The following SEMA6D variants were observed in gnomAD, a reference collection of about 807,000 sequenced individuals.
SEMA6D encodes the protein semaphorin-6D.
SEMA6D carries 35 observed loss-of-function variants against 106.6 expected under a neutral mutation model. The ratio of observed to expected loss-of-function variants is 0.33; its 90% CI spans 0.25 to 0.44. The LOEUF (loss-of-function observed/expected upper bound fraction) is 0.44, where lower values mean the gene tolerates loss of function less well. SEMA6D is among the 20% of genes least tolerant of loss of function. The probability of loss-of-function intolerance (pLI) is 1.00; values close to 1 mark genes in which losing one functional copy is unlikely to be tolerated. For missense variants in SEMA6D, 1,185 were observed against 1,345.9 expected (o/e 0.88, Z 1.87); for synonymous variants, 499 against 487.7 (o/e 1.02, Z -0.31).
chr15:47,656,833 G>T (rs1008034141), intron 4 of SEMA6D, among the ~76,000 whole-genome samples: 1 of 152,310 alleles, frequency 6.6e-6, no homozygotes, highest in African/African-American at 2.4e-5. Flanking sequence ...GCACAAGAGA[G>T]GATGGTGATC....
At chr15:47,316,116 A>G (rs1276390445) in intron 1 of SEMA6D, among the ~76,000 whole-genome samples, 2 of 1,302 alleles carry the variant, frequency 1.5e-3, no homozygotes, top group East Asian at 0.042. Context: ...TTTTTGAGAC[A>G]GAATCTTGTT....
intron 3 of SEMA6D, among the ~76,000 whole-genome samples, chr15:47,597,028 C>T (rs1281882033): frequency 6.6e-6 from 1 of 151,884 alleles, no homozygotes; most frequent in Non-Finnish European, 1.5e-5. Flanking sequence ...CAAGCAATAC[C>T]TCTGATAAGG....
chr15:47,318,529 G>C (rs1390728220), intron 1 of SEMA6D, among the ~76,000 whole-genome samples: 2 of 147,826 alleles, frequency 1.4e-5, no homozygotes, highest in East Asian at 2.0e-4. Flanking sequence ...TTGGTTTTTT[G>C]TTCTTGCGAT....
chr15:47,558,508 A>T (rs534810226), intron 3 of SEMA6D, among the ~76,000 whole-genome samples: 1 of 152,202 alleles, frequency 6.6e-6, no homozygotes, highest in South Asian at 2.1e-4. Context: ...TATTTTATCC[A>T]GAATTTGAAA....
intron 2 of SEMA6D, among the ~76,000 whole-genome samples, chr15:47,453,017 TA>T (rs1314739176): frequency 6.6e-6 from 1 of 151,948 alleles, no homozygotes; most frequent in Non-Finnish European, 1.5e-5. Context: ...GTAGTTCATT[TA>T]AAAAGAAAAA....
At chr15:47,512,277 T>C (rs1191000371) in intron 3 of SEMA6D, among the ~76,000 whole-genome samples, 4 of 152,218 alleles carry the variant, frequency 2.6e-5, no homozygotes, top group Non-Finnish European at 1.5e-5. Flanking sequence ...CCTCTTCAAT[T>C]GAGCAGTTGT....
intron 1 of SEMA6D, among the ~76,000 whole-genome samples, chr15:47,226,643 G>A (rs1240648085): frequency 6.6e-6 from 1 of 152,090 alleles, no homozygotes; most frequent in Non-Finnish European, 1.5e-5. Context: ...GACACTGATT[G>A]GAAGGTACCA....
At chr15:47,341,367 G>T (rs2144489812) in intron 1 of SEMA6D, among the ~76,000 whole-genome samples, 1 of 152,284 alleles carries the variant, frequency 6.6e-6, no homozygotes, top group Admixed American at 6.5e-5. Context: ...TCCAGCCTGG[G>T]TGACAGAGCA....
chr15:47,768,431 TTTG>T, intron 17 of SEMA6D, 147 bp from the exon 18 acceptor site: 1 of 570,110 alleles, frequency 1.8e-6, no homozygotes, highest in Middle Eastern at 4.4e-4. Context: ...AAGGAAGGAA[TTTG>T]ATGTAGCTTC....
In SEMA6D at chr15:47,465,179, G is replaced by A. The variant is rs190684536; in HGVS notation, c.-158-5295G>A. Among the ~76,000 whole-genome samples, 300 of 152,284 alleles carry A rather than the reference G, an allele frequency of 2.0e-3. 1 individual carries two copies. Among genetic ancestry groups the A allele is most frequent in the Non-Finnish European group, 3.5e-3 (235 of 68,006 alleles). ...ACTCACAGTGCTTTGAACACAGCAG[G>A]TAGTCAGTAGATGCATTTTGACCAA... On this transcript the variant is annotated intron_variant, in intron 2 of 19. Coordinates refer to the SEMA6D transcript ENST00000558014.
intron 3 of SEMA6D, among the ~76,000 whole-genome samples, chr15:47,591,393 C>T (rs2076436558): frequency 6.6e-6 from 1 of 152,076 alleles, no homozygotes; most frequent in Non-Finnish European, 1.5e-5. Flanking sequence ...GGCTGTATGT[C>T]CAGAGGCTTC....
At chr15:47,216,548 A>C (rs1202064239) in intron 1 of SEMA6D, among the ~76,000 whole-genome samples, 2 of 152,178 alleles carry the variant, frequency 1.3e-5, no homozygotes, top group Non-Finnish European at 2.9e-5. Context: ...GGTGAAATTG[A>C]AGTCAAAGAA....
At chr15:47,222,685 G>A (rs967433388) in intron 1 of SEMA6D, among the ~76,000 whole-genome samples, 5 of 152,138 alleles carry the variant, frequency 3.3e-5, no homozygotes, top group African/African-American at 1.2e-4. Context: ...TCCTGTCAGG[G>A]TAGTCAAACA....
At chr15:47,404,677 A>G (rs1210104030) in intron 1 of SEMA6D, among the ~76,000 whole-genome samples, 5 of 152,186 alleles carry the variant, frequency 3.3e-5, no homozygotes, top group East Asian at 1.9e-4. Flanking sequence ...TTTCTCCAGT[A>G]TCATCACTAT....
intron 3 of SEMA6D, among the ~76,000 whole-genome samples, chr15:47,530,360 G>A (rs963719432): frequency 9.2e-5 from 14 of 152,148 alleles, no homozygotes; most frequent in African/African-American, 2.4e-4. Context: ...TGCATTAATA[G>A]ATTTCATTCT....
At chr15:47,294,574 G>A (rs1046467700) in intron 1 of SEMA6D, among the ~76,000 whole-genome samples, 7 of 152,110 alleles carry the variant, frequency 4.6e-5, no homozygotes, top group Admixed American at 2.0e-4. Context: ...TACAAAAAGC[G>A]TTTCCGTGTT....
At chr15:47,521,360 T>G (rs565494045) in intron 3 of SEMA6D, among the ~76,000 whole-genome samples, 3 of 152,140 alleles carry the variant, frequency 2.0e-5, no homozygotes, top group African/African-American at 7.2e-5. Context: ...TTCAGGACAC[T>G]TGCATTTCTG....
At chr15:47,382,079 G>A (rs954920877) in intron 1 of SEMA6D, among the ~76,000 whole-genome samples, 3 of 152,022 alleles carry the variant, frequency 2.0e-5, no homozygotes, top group African/African-American at 7.3e-5. Flanking sequence ...ATACAAAGAG[G>A]TAAAGAATCA....
At chr15:47,616,005 C>T (rs1200555650) in intron 4 of SEMA6D, among the ~76,000 whole-genome samples, 5 of 152,176 alleles carry the variant, frequency 3.3e-5, no homozygotes, top group Admixed American at 6.5e-5. Flanking sequence ...ATACCTCCTC[C>T]CTAAAGTCTT....
Sources: allele counts gnomAD v4.1 joint callset (sites outside exome capture counted in the v4.1 genomes callset), GRCh38; gene constraint gnomAD v4.1.1; transcripts MANE v1.5; gene names NCBI Gene and HGNC (gene_info 2026-07-23, HGNC 2026-07-21).